SEMA3E: variants seen among roughly 807,000 people sequenced by gnomAD.
SEMA3E encodes semaphorin 3E, also known as semaphorin-3E.
SEMA3E carries 49 observed loss-of-function variants against 93.6 expected under a neutral mutation model. The ratio of observed to expected loss-of-function variants is 0.52; its 90% CI spans 0.42 to 0.66. The LOEUF (loss-of-function observed/expected upper bound fraction) is 0.66, where lower values mean the gene tolerates loss of function less well. SEMA3E is among the 30% of genes least tolerant of loss of function. The pLI, the probability that SEMA3E is intolerant of heterozygous loss-of-function variation, is 0.00. For synonymous variants in SEMA3E, 363 were observed against 330.7 expected (o/e 1.10, Z -1.06); for missense variants, 906 against 964.8 (o/e 0.94, Z 0.81).
chr7:83,492,498 T>C (rs940800696), intron 1 of SEMA3E, among the ~76,000 whole-genome samples: 1 of 152,142 alleles, frequency 6.6e-6, no homozygotes, highest in East Asian at 1.9e-4. Flanking sequence ...TAGTAGAAAC[T>C]AATTATTGAA....
chr7:83,600,520 T>C lies in SEMA3E; in HGVS notation c.115+47908A>G, dbSNP rs13307001. Among the ~76,000 whole-genome samples the C allele has an allele frequency of 8.4e-3, 903 of 107,366 alleles. 2 individuals carry two copies. Among genetic ancestry groups the C allele is most frequent in the Non-Finnish European group, 0.014 (728 of 53,596 alleles). 70.4% of individuals were successfully genotyped at this position (107,366 alleles called of 152,430 possible). On this transcript the variant is annotated intron_variant, in intron 1 of 16. Transcript: ENST00000643230. ...TTTTTTTTTTTTTTTTTTTTTTTTTTGTATTTTTAGTAGAGACGGGGTTTC... is the reference window on the plus strand; with the variant it reads ...TTTTTTTTTTTTTTTTTTTTTTTTTCGTATTTTTAGTAGAGACGGGGTTTC...
intron 4 of SEMA3E, among the ~76,000 whole-genome samples, chr7:83,428,443 G>A (rs1489201627): frequency 1.3e-5 from 2 of 152,116 alleles, no homozygotes; most frequent in African/African-American, 4.8e-5. Flanking sequence ...GCCAACAATG[G>A]AAAATAGGTG....
intron 4 of SEMA3E, among the ~76,000 whole-genome samples, chr7:83,460,907 G>C (rs939572854): frequency 1.3e-5 from 2 of 151,318 alleles, no homozygotes; most frequent in African/African-American, 2.4e-5. Flanking sequence ...CTCTAGGCTT[G>C]CTTCCTTCAC....
chr7:83,632,367 C>T (rs1793804408), intron 1 of SEMA3E, among the ~76,000 whole-genome samples: 2 of 152,062 alleles, frequency 1.3e-5, no homozygotes, highest in Admixed American at 1.3e-4. Flanking sequence ...CTTTGTTGTG[C>T]CCCACCCAAA....
intron 12 of SEMA3E, among the ~76,000 whole-genome samples, chr7:83,396,041 A>ATGTG (rs3043167): frequency 0.25 from 37,240 of 148,900 alleles, 5,735 homozygotes; most frequent in Non-Finnish European, 0.33. Context: ...ATACGACTTG[A>ATGTG]TGTGTGTGTG....
At chr7:83,490,921 T>C (rs184945161) in intron 1 of SEMA3E, among the ~76,000 whole-genome samples, 1 of 152,242 alleles carries the variant, frequency 6.6e-6, no homozygotes, top group African/African-American at 2.4e-5. Context: ...CTCTCATGTG[T>C]GTGCATTTGT....
intron 1 of SEMA3E, among the ~76,000 whole-genome samples, chr7:83,590,314 C>T (rs1792731707): frequency 6.6e-6 from 1 of 152,070 alleles, no homozygotes; most frequent in Non-Finnish European, 1.5e-5. Context: ...GATTTATTTA[C>T]AACATTTAAT....
At position 83,422,259 on chromosome 7, in the gene SEMA3E, C is replaced by T. The variant is rs142842550; in HGVS notation, c.457-3776G>A. Reference sequence around the variant, plus strand: ...CTCCTGACCCAAAGGTGTGGCTAAACTTATATTCTAAGCCAAAAAAGTTTT... The same window carrying T: ...CTCCTGACCCAAAGGTGTGGCTAAATTTATATTCTAAGCCAAAAAAGTTTT... On this transcript the variant is annotated intron_variant, in intron 4 of 16. Transcript: ENST00000643230. 4.9e-3 allele frequency among the ~76,000 whole-genome samples: 744 copies of T among 152,236 alleles called. 5 individuals are homozygous for T. Among genetic ancestry groups the T allele is most frequent in the African/African-American group, 0.017 (710 of 41,556 alleles).
chr7:83,437,309 C>T (rs150552920), intron 4 of SEMA3E, among the ~76,000 whole-genome samples: 13 of 152,018 alleles, frequency 8.6e-5, no homozygotes. Flanking sequence ...GATTGATCAA[C>T]AATCTAAACT....
intron 1 of SEMA3E, among the ~76,000 whole-genome samples, chr7:83,620,197 C>T (rs1427662886): frequency 2.0e-5 from 3 of 151,638 alleles, no homozygotes; most frequent in Non-Finnish European, 4.4e-5. Context: ...AAAAAAAATA[C>T]AAATGATGAA....
chr7:83,631,590 C>A (rs1460655732), intron 1 of SEMA3E, among the ~76,000 whole-genome samples: 2 of 152,136 alleles, frequency 1.3e-5, no homozygotes, highest in Admixed American at 1.3e-4. Context: ...ATAGCAGAAC[C>A]ATATAGTCTT....
rs1792774637 is a variant in SEMA3E, at chr7:83,592,461, A to C, written c.115+55967T>G. ...TTTAAAATAACAGATCTAAGTTTAA[A>C]TTGTTTTTCCACCTACCTCTACCAA... is the stretch of plus-strand genomic sequence containing the variant. On this transcript the variant is annotated intron_variant, in intron 1 of 16. Coordinates refer to ENST00000643230, the MANE Select transcript of SEMA3E (RefSeq NM_012431.3). Among the ~76,000 whole-genome samples, 3 of 20,240 alleles carry C rather than the reference A, an allele frequency of 1.5e-4. No individual in the cohort carries two copies. In the Admixed American group the frequency reaches 2.3e-3, roughly 15 times the overall value. The allele number at this position is 20,240 out of a possible 152,430, so 13.3% of individuals were successfully genotyped here.
intron 4 of SEMA3E, among the ~76,000 whole-genome samples, chr7:83,434,791 G>A (rs993734899): frequency 7.0e-6 from 1 of 143,348 alleles, no homozygotes; most frequent in Non-Finnish European, 1.5e-5. Flanking sequence ...TCGGCTCACT[G>A]CAAGCTCCGC....
At chr7:83,646,600 T>G (rs1397675394) in intron 1 of SEMA3E, among the ~76,000 whole-genome samples, 1 of 152,058 alleles carries the variant, frequency 6.6e-6, no homozygotes, top group African/African-American at 2.4e-5. Context: ...CTGTGGGAGT[T>G]TTCAGTCTAT....
chr7:83,532,912 G>A (rs1791333167), intron 1 of SEMA3E, among the ~76,000 whole-genome samples: 1 of 151,936 alleles, frequency 6.6e-6, no homozygotes, highest in South Asian at 2.1e-4. Flanking sequence ...CTCACCACGG[G>A]AACTCTCATC....
At chr7:83,554,191 T>TCAC in intron 1 of SEMA3E, among the ~76,000 whole-genome samples, 1 of 152,292 alleles carries the variant, frequency 6.6e-6, no homozygotes, top group South Asian at 2.1e-4. Context: ...ACATGGATTT[T>TCAC]CACCTTTTTA....
At chr7:83,411,048 T>G (rs2723042) in intron 5 of SEMA3E, among the ~76,000 whole-genome samples, 76,877 of 151,820 alleles carry the variant, frequency 0.51, 22,331 homozygotes, top group East Asian at 0.85. Context: ...TGAAAATATT[T>G]TTATGGGAAA....
At chr7:83,564,426 GA>G (rs11304278) in intron 1 of SEMA3E, among the ~76,000 whole-genome samples, 16,498 of 148,788 alleles carry the variant, frequency 0.11, 977 homozygotes, top group East Asian at 0.19. Context: ...TATCAAAAAA[GA>G]AAAAAAAAAT....
intron 1 of SEMA3E, among the ~76,000 whole-genome samples, chr7:83,586,091 A>G (rs931417764): frequency 1.3e-5 from 2 of 152,182 alleles, no homozygotes; most frequent in African/African-American, 4.8e-5. Flanking sequence ...CAAACAAATT[A>G]TGGATCTCTA....
Sources: gnomAD v4.1 joint callset for allele counts (sites outside exome capture counted in the v4.1 genomes callset) on GRCh38, gnomAD v4.1.1 for gene constraint, MANE v1.5 for transcripts, NCBI Gene and HGNC (gene_info 2026-07-23, HGNC 2026-07-21) for gene names.